Variants in TIMM22 observed in about 807,000 individuals in gnomAD.
The protein encoded by TIMM22 is mitochondrial import inner membrane translocase subunit Tim22.
In TIMM22, 12 loss-of-function variants were observed where a neutral mutation model predicts 18.3. That is an observed-to-expected ratio of 0.65 (90% CI 0.42 to 1.06). TIMM22 has a LOEUF of 1.06. Among genes scored for constraint, TIMM22 ranks in the 50% least tolerant of loss-of-function variants. TIMM22 has a pLI of 0.00. For synonymous variants in TIMM22, 107 were observed against 98.5 expected (o/e 1.09, Z -0.51); for missense variants, 278 against 252.8 (o/e 1.10, Z -0.68).
chr17:997,265 C>G lies in TIMM22; in HGVS notation c.123C>G (p.Leu41=). ...YLVGDKRQPR[L]LEPGSLGGIP... ...TGGGTGACAAGCGTCAGCCCCGGCTCCTGGAGCCTGGGAGCCTGGGCGGGA... is the reference window on the plus strand; with the variant it reads ...TGGGTGACAAGCGTCAGCCCCGGCTGCTGGAGCCTGGGAGCCTGGGCGGGA... Residue 41 remains leucine, a synonymous_variant, in exon 1 of 4, where the codon CTC becomes CTG. Coordinates refer to ENST00000327158, the MANE Select transcript of TIMM22 (RefSeq NM_013337.4). The G allele has an allele frequency of 1.2e-6, 2 of 1,613,616 alleles. No individual in the cohort carries two copies. Among genetic ancestry groups the G allele is most frequent in the Non-Finnish European group, 1.7e-6 (2 of 1,179,944 alleles).
In TIMM22 at chr17:997,381, GTGA is replaced by G; in HGVS notation, c.238+2_238+4del. 1 of 1,611,930 alleles carries G rather than the reference GTGA, an allele frequency of 6.2e-7. No homozygotes were observed. The highest frequency in any genetic ancestry group is 8.5e-7 in the Non-Finnish European group (1 of 1,178,940). On this transcript the variant is annotated splice_donor_variant and splice_donor_region_variant and intron_variant, in intron 1 of 3. Transcript: ENST00000327158. LOFTEE classifies it high-confidence loss of function. ...AAGGCTGCGCTGGCCTGCGTGGGAG[GTGA>G]GGCCGGGCGATGGGACCCTTGGGAG...
rs767873477 is a variant in TIMM22, at chr17:999,016, C to A, written c.435+41C>A. On this transcript the variant is annotated intron_variant, in intron 2 of 3. Transcript: ENST00000327158. Reference sequence around the variant, plus strand: ...TTCTAAGAAATCCTTGCTGGGGCCACCATTTCATTACTTTTAAAGAGAAAT... The same window carrying A: ...TTCTAAGAAATCCTTGCTGGGGCCAACATTTCATTACTTTTAAAGAGAAAT... 15 of 1,564,694 alleles carry A rather than the reference C, an allele frequency of 9.6e-6. No individual in the cohort carries two copies. The South Asian group carries it at 1.7e-4, about 18-fold the overall frequency.
rs780146376 is a variant in TIMM22, at chr17:1,001,095, T to C, written c.*7T>C. On this transcript the variant is annotated 3_prime_UTR_variant, in exon 4 of 4. Transcript: ENST00000327158. ...TGATTATTACCTCCGGTGAGAGTAA[T>C]TGCCTGCAGGGAAGGATGATGCCAG... 1.7e-5 allele frequency: 27 copies of C among 1,613,308 alleles called. No individual in the cohort carries two copies. Among genetic ancestry groups the C allele is most frequent in the African/African-American group, 6.7e-5 (5 of 74,892 alleles).
intron 1 of TIMM22, among the ~76,000 whole-genome samples, chr17:997,768 T>C (rs1457126549): frequency 6.6e-6 from 1 of 152,184 alleles, no homozygotes; most frequent in Non-Finnish European, 1.5e-5. Flanking sequence ...AGCCGAGATG[T>C]GCCACTGCTC....
Position 1,002,920 on chromosome 17 carries a change from T to G in TIMM22, c.*1832T>G, listed in dbSNP as rs992150680. On this transcript the variant is annotated 3_prime_UTR_variant, in exon 4 of 4. Coordinates refer to ENST00000327158, the MANE Select transcript of TIMM22 (RefSeq NM_013337.4). ...GCCTATTCACTCGAGAGATGAATAGTTTCCTGTTTTCGATGGCTGGGGAGC... is the reference window on the plus strand; with the variant it reads ...GCCTATTCACTCGAGAGATGAATAGGTTCCTGTTTTCGATGGCTGGGGAGC... The G allele has an allele frequency of 6.6e-6, 1 of 152,160 alleles. No homozygotes were observed. Among genetic ancestry groups the G allele is most frequent in the Non-Finnish European group, 1.5e-5 (1 of 68,020 alleles). 9.4% of individuals were successfully genotyped at this position (152,160 alleles called of 1,614,324 possible). A position where few individuals can be genotyped will look rare whatever the true frequency, so the allele number is the denominator to read the frequency against.
At position 998,936 on chromosome 17, in the gene TIMM22, G is replaced by A; in HGVS notation, c.396G>A (p.Val132=). The A allele has an allele frequency of 1.2e-6, 2 of 1,613,942 alleles. No individual in the cohort carries two copies. Among genetic ancestry groups the A allele is most frequent in the African/African-American group, 2.7e-5 (2 of 74,992 alleles). ...CCTATGCCAAAAATTTCGCCATTGT[G>A]GGAGCCATGTTTTCTTGTACTGAGT... ...GMSYAKNFAI[V]GAMFSCTECL... The change falls in exon 2 of 4, where the codon GTG becomes GTA. Residue 132 remains valine, a synonymous_variant. Transcript: ENST00000327158.
chr17:1,001,062 G>C lies in TIMM22; in HGVS notation c.559G>C (p.Ala187Pro). 6.2e-7 allele frequency: 1 copy of C among 1,614,014 alleles called. No individual in the cohort carries two copies. The highest frequency in any genetic ancestry group is 8.5e-7 in the Non-Finnish European group (1 of 1,179,968). The change falls in exon 4 of 4, where the codon GCT (alanine) becomes CCT (proline). Residue 187 changes from alanine (A) to proline (P), a missense_variant. Transcript: ENST00000327158. ...TTGTGGAGGTTTTGCTGCTTTCTCT[G>C]CTGCGATTGATTATTACCTCCGGTG... is the stretch of plus-strand genomic sequence containing the variant. ...IGCGGFAAFS[A>P]AIDYYLR
chr17:999,149 G>GTGTT (rs1189128131), intron 2 of TIMM22, among the ~76,000 whole-genome samples, 174 bp downstream of exon 2: 1 of 151,960 alleles, frequency 6.6e-6, no homozygotes, highest in East Asian at 1.9e-4. Flanking sequence ...GACTTTGTGT[G>GTGTT]TGTTTACAGT....
intron 1 of TIMM22, among the ~76,000 whole-genome samples, chr17:998,441 TCA>T (rs1400950276): frequency 2.0e-5 from 3 of 152,220 alleles, no homozygotes; most frequent in Non-Finnish European, 4.4e-5. Flanking sequence ...ACTGTGAATG[TCA>T]CAGTGGCCAA....
rs749520550 is a variant in TIMM22, at chr17:997,178, C to A, written c.36C>A (p.Ala12=). Residue 12 remains alanine, a synonymous_variant, in exon 1 of 4, where the codon GCC becomes GCA. Coordinates refer to ENST00000327158, the MANE Select transcript of TIMM22 (RefSeq NM_013337.4). ...CCGCCCCCAATGCCGGAGGCTCGGC[C>A]CCTGAGACAGCGGGTTCCGCCGAAG... is the stretch of plus-strand genomic sequence containing the variant. The part of the protein sequence containing the change: ...AAAAPNAGGS[A]PETAGSAEAP... The A allele has an allele frequency of 5.6e-6, 9 of 1,611,506 alleles. No individual in the cohort carries two copies. The Admixed American group carries it at 1.3e-4, about 24-fold the overall frequency.
chr17:998,590 G>C (rs333654), intron 1 of TIMM22, among the ~76,000 whole-genome samples, 189 bp from the exon 2 acceptor site: 3 of 152,058 alleles, frequency 2.0e-5, no homozygotes, highest in Non-Finnish European at 4.4e-5. Flanking sequence ...TCTTAGAGAC[G>C]GAGAAGATGA....
At chr17:999,685 C>T in intron 3 of TIMM22, 101 bp downstream of exon 3, 1 of 1,094,422 alleles carries the variant, frequency 9.1e-7, no homozygotes. Flanking sequence ...ACTTGATCTT[C>T]TTCCCTCTGA....
At chr17:997,904 G>A (rs1157604640) in intron 1 of TIMM22, among the ~76,000 whole-genome samples, 6 of 152,164 alleles carry the variant, frequency 3.9e-5, no homozygotes, top group Non-Finnish European at 7.3e-5. Context: ...TCAACAAATT[G>A]TTCCTAAGCA....
rs768200030 is a variant in TIMM22, at chr17:1,003,183, A to C, written c.*2095A>C. ...CGTAGAGAAGCGTTTACATAAAAGA[A>C]GACGCTTCCTGTTCAGTGGACAACT... is the stretch of plus-strand genomic sequence containing the variant. On this transcript the variant is annotated 3_prime_UTR_variant, in exon 4 of 4. Transcript: ENST00000327158. 6.6e-6 allele frequency: 1 copy of C among 152,200 alleles called. No homozygotes were observed. The highest frequency in any genetic ancestry group is 1.5e-5 in the Non-Finnish European group (1 of 68,044). 9.4% of individuals were successfully genotyped at this position (152,200 alleles called of 1,614,324 possible).
chr17:999,547 C>G lies in TIMM22; in HGVS notation c.471C>G (p.Ile157Met). Residue 157 changes from isoleucine to methionine, a missense_variant, in exon 3 of 4, where the codon ATC becomes ATG. By Grantham distance (10) the Ile-to-Met change is conservative. Coordinates refer to ENST00000327158, the MANE Select transcript of TIMM22 (RefSeq NM_013337.4). ...CATCAGACTGGAAGAACAGTGTCAT[C>G]AGTGGCTGCATCACGGGAGGAGCTA... The part of the protein sequence containing the change: ...RGTSDWKNSV[I>M]SGCITGGAIG... 1.2e-6 allele frequency: 2 copies of G among 1,613,690 alleles called. No individual in the cohort carries two copies. Among genetic ancestry groups the G allele is most frequent in the South Asian group, 2.2e-5 (2 of 91,014 alleles).
chr17:999,727 C>T (rs554599888), intron 3 of TIMM22, 143 bp downstream of exon 3: 3 of 857,532 alleles, frequency 3.5e-6, no homozygotes, highest in African/African-American at 3.4e-5. Context: ...TGTGGTAACT[C>T]GGTTTTGGAA....
chr17:1,000,318 A>G (rs1168840004), intron 3 of TIMM22, among the ~76,000 whole-genome samples: 3 of 129,462 alleles, frequency 2.3e-5, no homozygotes, highest in African/African-American at 9.3e-5. Context: ...GAAATATTAG[A>G]TTATCAGCTG....
rs1226720262 is a variant in TIMM22, at chr17:1,003,221, C to G, written c.*2133C>G. 6.6e-6 allele frequency: 1 copy of G among 152,236 alleles called. No homozygotes were observed. The highest frequency in any genetic ancestry group is 6.5e-5 in the Admixed American group (1 of 15,284). 9.4% of individuals were successfully genotyped at this position (152,236 alleles called of 1,614,324 possible). A position where few individuals can be genotyped will look rare whatever the true frequency, so the allele number is the denominator to read the frequency against. ...TCAGTGGACAACTTCATGCCACTTTCAAGGCACACCGATGGCCAGGTGGGA... is the reference window on the plus strand; with the variant it reads ...TCAGTGGACAACTTCATGCCACTTTGAAGGCACACCGATGGCCAGGTGGGA... On this transcript the variant is annotated 3_prime_UTR_variant, in exon 4 of 4. Coordinates refer to ENST00000327158, the MANE Select transcript of TIMM22 (RefSeq NM_013337.4).
chr17:1,000,978 A>T, intron 3 of TIMM22, 34 bp from the exon 4 acceptor site: 6 of 1,613,410 alleles, frequency 3.7e-6, no homozygotes, highest in Non-Finnish European at 5.1e-6. Flanking sequence ...AGCAGCTGTC[A>T]CCACAGGTCA....
Sources: gnomAD v4.1 joint callset for allele counts (sites outside exome capture counted in the v4.1 genomes callset) on GRCh38, gnomAD v4.1.1 for gene constraint, MANE v1.5 for transcripts, NCBI Gene and HGNC (gene_info 2026-07-23, HGNC 2026-07-21) for gene names.